PLAGL1: variants seen among roughly 807,000 people sequenced by gnomAD.
PLAGL1 encodes the protein PLAG1 like zinc finger 1, also known as zinc finger protein PLAGL1.
PLAGL1 carries 1 observed loss-of-function variant against 4.6 expected under a neutral mutation model. That is an observed-to-expected ratio of 0.22 (90% CI 0.08 to 1.03). The LOEUF is 1.03. PLAGL1 is among the 50% of genes least tolerant of loss of function. PLAGL1 has a pLI of 0.58. For synonymous variants in PLAGL1, 240 were observed against 237.8 expected (o/e 1.01, Z -0.08); for missense variants, 464 against 570.4 (o/e 0.81, Z 1.90).
In PLAGL1 at chr6:143,990,050, A is replaced by G. The variant is rs1790099020; in HGVS notation, c.-583-4876T>C. On this transcript the variant is annotated intron_variant, in intron 1 of 7. Transcript: ENST00000674357. This position sits in a 1 kb window ranked among gnomAD's most constrained non-coding sequence, Gnocchi z 5.4. ...TCCACCTCTCTATTCAAAATTTCTT[A>G]TACATTATCTTCTCCCTTTTTACTA... is the stretch of plus-strand genomic sequence containing the variant. 6.6e-6 allele frequency among the ~76,000 whole-genome samples: 1 copy of G among 152,112 alleles called. No homozygotes were observed. Among genetic ancestry groups the G allele is most frequent in the South Asian group, 2.1e-4 (1 of 4,822 alleles).
At chr6:143,969,039 G>A (rs932441618) in intron 2 of PLAGL1, 61 bp from the exon 3 acceptor site, 1 of 151,236 alleles carries the variant, frequency 6.6e-6, no homozygotes, top group African/African-American at 2.4e-5. Flanking sequence ...AAAACACATT[G>A]GTACTATGAA....
Position 144,059,366 on chromosome 6 carries a change from A to G in PLAGL1, c.-151+5102T>C, listed in dbSNP as rs773174502. Among the ~76,000 whole-genome samples, 4 of 152,208 alleles carry G rather than the reference A, an allele frequency of 2.6e-5. No homozygotes were observed. Among genetic ancestry groups the G allele is most frequent in the Non-Finnish European group, 5.9e-5 (4 of 68,032 alleles). On this transcript the variant is annotated intron_variant, in intron 1 of 3. Coordinates refer to the PLAGL1 transcript ENST00000437412. This position sits in a 1 kb window ranked among gnomAD's most constrained non-coding sequence, Gnocchi z 4.9. ...TCTTTCCTCCTAGGCCTCTGGGCCTACAATGTGACTCAGACCTACAGGTCT... is the reference window on the plus strand; with the variant it reads ...TCTTTCCTCCTAGGCCTCTGGGCCTGCAATGTGACTCAGACCTACAGGTCT...
At chr6:144,029,654 C>T (rs1796652208) in intron 1 of PLAGL1, among the ~76,000 whole-genome samples, 1 of 152,184 alleles carries the variant, frequency 6.6e-6, no homozygotes, top group Non-Finnish European at 1.5e-5. Context: ...TGCTGTCAAG[C>T]ATTTGGAGAA....
At chr6:144,021,137 T>A (rs1015419695) in intron 1 of PLAGL1, among the ~76,000 whole-genome samples, 1 of 151,946 alleles carries the variant, frequency 6.6e-6, no homozygotes, top group Non-Finnish European at 1.5e-5. Flanking sequence ...CTGGGCATAA[T>A]GTAGAGCACA....
At position 143,973,885 on chromosome 6, in the gene PLAGL1, C is replaced by A. The variant is rs1372212270; in HGVS notation, c.-543-4907G>T. ...GTGATCTCCAGAGAAAGCAACACAA[C>A]TTAAAGATGGAGTTAGTTTGCATAA... On this transcript the variant is annotated intron_variant, in intron 2 of 7. Coordinates refer to ENST00000674357, the MANE Select transcript of PLAGL1 (RefSeq NM_001317162.2). This position sits in a 1 kb window ranked among gnomAD's most constrained non-coding sequence, Gnocchi z 6.2. Among the ~76,000 whole-genome samples, 2 of 152,220 alleles carry A rather than the reference C, an allele frequency of 1.3e-5. No individual in the cohort carries two copies. The highest frequency in any genetic ancestry group is 4.8e-5 in the African/African-American group (2 of 41,456).
chr6:144,022,779 A>T lies in PLAGL1; in HGVS notation c.-151+41689T>A, dbSNP rs769410032. Among the ~76,000 whole-genome samples the T allele has an allele frequency of 2.6e-5, 4 of 152,214 alleles. No homozygotes were observed. The highest frequency in any genetic ancestry group is 5.9e-5 in the Non-Finnish European group (4 of 68,044). On this transcript the variant is annotated intron_variant, in intron 1 of 3. Transcript: ENST00000437412. The surrounding 1 kb of genome is among the most constrained non-coding windows in gnomAD (Gnocchi z 4.2). The stretch of plus-strand genomic sequence containing the variant: ...AGCCATGTGGAACTGTGAGTCAATT[A>T]AACCTCTTTCCTTTATAAATTATGC...
intron 1 of PLAGL1, among the ~76,000 whole-genome samples, chr6:144,030,651 C>A (rs956885471): frequency 6.6e-6 from 1 of 152,234 alleles, no homozygotes; most frequent in East Asian, 1.9e-4. Flanking sequence ...CCAATTCCAT[C>A]CAGGTTGCTG....
At chr6:144,017,252 T>C (rs1795628827) in intron 1 of PLAGL1, among the ~76,000 whole-genome samples, 1 of 152,202 alleles carries the variant, frequency 6.6e-6, no homozygotes, top group African/African-American at 2.4e-5. Flanking sequence ...GCTGGTCTTA[T>C]TGCTGGCCAT....
rs1014145202 is a variant in PLAGL1, at chr6:144,063,758, C to T, written c.-151+710G>A. On this transcript the variant is annotated intron_variant, in intron 1 of 3. Coordinates refer to the PLAGL1 transcript ENST00000437412. The surrounding 1 kb of genome is among the most constrained non-coding windows in gnomAD (Gnocchi z 5.7). ...CAGCAGGGGCCCTACAAACCCAACA[C>T]GGCTGTGCACCCGCCAAAGTGCCCA... Among the ~76,000 whole-genome samples the T allele has an allele frequency of 2.6e-5, 4 of 152,330 alleles. No homozygotes were observed. The highest frequency in any genetic ancestry group is 3.9e-4 in the East Asian group (2 of 5,184).
chr6:143,951,064 C>T (rs1459236618), intron 6 of PLAGL1, among the ~76,000 whole-genome samples: 1 of 152,142 alleles, frequency 6.6e-6, no homozygotes, highest in African/African-American at 2.4e-5. Context: ...GGCACTTGTT[C>T]TGTGAATCCA....
At chr6:143,969,018 A>AG (rs1488416544) in intron 2 of PLAGL1, 40 bp from the exon 3 acceptor site, 1 of 151,590 alleles carries the variant, frequency 6.6e-6, no homozygotes, top group East Asian at 1.9e-4. Context: ...AAAAAAAAAA[A>AG]GCATCAAGAA....
Position 143,942,133 on chromosome 6 carries a change from A to G in PLAGL1, c.683T>C (p.Ile228Thr). Reference sequence around the variant, plus strand: ...AGCCTTCAGTTGGAATGAAGGCGAGATGGTGTGGAAGGTGCTCAGAAGGTC... The same window carrying G: ...AGCCTTCAGTTGGAATGAAGGCGAGGTGGTGTGGAAGGTGCTCAGAAGGTC... ...TGDLLSTFHT[I>T]SPSFQLKAAA... The change falls in exon 8 of 8, where the codon ATC (isoleucine) becomes ACC (threonine). Residue 228 changes from isoleucine (I) to threonine (T), a missense_variant. By Grantham distance (89) the Ile-to-Thr change is moderately conservative (BLOSUM62 -1). Coordinates refer to ENST00000674357, the MANE Select transcript of PLAGL1 (RefSeq NM_001317162.2). The surrounding 1 kb of genome is among the most constrained non-coding windows in gnomAD (Gnocchi z 7.6). The G allele has an allele frequency of 6.2e-7, 1 of 1,614,150 alleles. No homozygotes were observed. The highest frequency in any genetic ancestry group is 8.5e-7 in the Non-Finnish European group (1 of 1,180,014).
In PLAGL1 at chr6:143,959,227, T is replaced by A. The variant is rs948953059; in HGVS notation, c.-325+1242A>T. Among the ~76,000 whole-genome samples the A allele has an allele frequency of 6.6e-6, 1 of 152,220 alleles. No individual in the cohort carries two copies. The highest frequency in any genetic ancestry group is 1.5e-5 in the Non-Finnish European group (1 of 68,030). On this transcript the variant is annotated intron_variant, in intron 6 of 7. Coordinates refer to ENST00000674357, the MANE Select transcript of PLAGL1 (RefSeq NM_001317162.2). The surrounding 1 kb of genome is among the most constrained non-coding windows in gnomAD (Gnocchi z 5.3). The stretch of plus-strand genomic sequence containing the variant: ...TCCCCTGCTTGCCTTGCAATCATAC[T>A]GTCCACCCTGCTTTGGCTGGCCCCC...
chr6:143,959,905 C>CTTCAACCTAT lies in PLAGL1; in HGVS notation c.-325+563_-325+564insATAGGTTGAA, dbSNP rs1783002479. Among the ~76,000 whole-genome samples the CTTCAACCTAT allele has an allele frequency of 6.6e-6, 1 of 152,162 alleles. No individual in the cohort carries two copies. Among genetic ancestry groups the CTTCAACCTAT allele is most frequent in the African/African-American group, 2.4e-5 (1 of 41,406 alleles). ...CTAAGCCAAGTGCTCTTTCAACCTA[C>CTTCAACCTAT]GCTTTGCCATCCCTTCTAGCCACAC... is the stretch of plus-strand genomic sequence containing the variant. On this transcript the variant is annotated intron_variant, in intron 6 of 7. Transcript: ENST00000674357. This position sits in a 1 kb window ranked among gnomAD's most constrained non-coding sequence, Gnocchi z 5.3.
intron 1 of PLAGL1, among the ~76,000 whole-genome samples, chr6:144,002,743 T>C (rs1181952721): frequency 3.9e-5 from 6 of 152,126 alleles, no homozygotes; most frequent in Non-Finnish European, 7.4e-5. Flanking sequence ...AAGTCCTCTA[T>C]ACTGAATATA....
At chr6:144,047,016 T>C (rs532845351) in intron 1 of PLAGL1, among the ~76,000 whole-genome samples, 89 of 152,362 alleles carry the variant, frequency 5.8e-4, no homozygotes, top group Middle Eastern at 3.4e-3. Flanking sequence ...GAGCAGGATA[T>C]GATCTCCTGG....
At chr6:144,062,880 G>T (rs143675118) in intron 1 of PLAGL1, among the ~76,000 whole-genome samples, 7 of 152,310 alleles carry the variant, frequency 4.6e-5, no homozygotes, top group African/African-American at 1.7e-4. Context: ...TTACCATAGG[G>T]CAGGACACAT....
intron 1 of PLAGL1, among the ~76,000 whole-genome samples, chr6:144,043,462 T>C (rs1797891346): frequency 6.6e-6 from 1 of 152,232 alleles, no homozygotes. Context: ...GTTCTGTTTA[T>C]GTGATAGATT....
At position 143,955,300 on chromosome 6, in the gene PLAGL1, G is replaced by A. The variant is rs1781887845; in HGVS notation, c.-325+5169C>T. 6.6e-6 allele frequency among the ~76,000 whole-genome samples: 1 copy of A among 152,152 alleles called. No individual in the cohort carries two copies. The highest frequency in any genetic ancestry group is 1.5e-5 in the Non-Finnish European group (1 of 68,030). ...GAATCCAACCACCTGGAGAATAAGT[G>A]GTTCAGTAAGACTGGAATACAGGTG... On this transcript the variant is annotated intron_variant, in intron 6 of 7. Transcript: ENST00000674357. This position sits in a 1 kb window ranked among gnomAD's most constrained non-coding sequence, Gnocchi z 4.9.
Sources: allele counts gnomAD v4.1 joint callset (sites outside exome capture counted in the v4.1 genomes callset), GRCh38; gene constraint gnomAD v4.1.1; non-coding constraint Gnocchi (gnomAD v3.1); transcripts MANE v1.5; gene names NCBI Gene and HGNC (gene_info 2026-07-23, HGNC 2026-07-21).